Variants in GRHPR observed in about 807,000 individuals in gnomAD.
GRHPR encodes the protein glyoxylate reductase/hydroxypyruvate reductase.
GRHPR carries 35 observed loss-of-function variants against 36.8 expected under a neutral mutation model. The observed-to-expected ratio is 0.95, with a 90% CI of 0.73 to 1.26. The LOEUF is 1.26. Among genes scored for constraint, GRHPR ranks in the 50% most tolerant of loss-of-function variants. The probability of loss-of-function intolerance (pLI) is 0.00; values close to 1 mark genes in which losing one functional copy is unlikely to be tolerated. For missense variants in GRHPR, 380 were observed against 435.0 expected (o/e 0.87, Z 1.12); for synonymous variants, 179 against 181.0 (o/e 0.99, Z 0.09).
rs996976270 is a variant in GRHPR, at chr9:37,429,222, G to A, written c.494-510G>A. 7.0e-5 allele frequency: 18 copies of A among 258,888 alleles called. 1 individual carries two copies. The highest frequency in any genetic ancestry group is 2.5e-4 in the Admixed American group (5 of 19,928). The allele number at this position is 258,888 out of a possible 1,614,324, so 16.0% of individuals were successfully genotyped here. A position where few individuals can be genotyped will look rare whatever the true frequency, so the allele number is the denominator to read the frequency against. Reference sequence around the variant, plus strand: ...GAGGAACCCAACAGCTTTGGGGCACGTTCTGAGCCTGAAAATCCAACTGTA... The same window carrying A: ...GAGGAACCCAACAGCTTTGGGGCACATTCTGAGCCTGAAAATCCAACTGTA... On this transcript the variant is annotated intron_variant, in intron 5 of 8. Transcript: ENST00000318158.
chr9:37,424,868 C>G lies in GRHPR; in HGVS notation c.107C>G (p.Ser36Trp). Reference sequence around the variant, plus strand: ...AGCTGTGAGGTGGAGCAGTGGGACTCGGATGAGCCCATCCCTGCCAAGGAG... The same window carrying G: ...AGCTGTGAGGTGGAGCAGTGGGACTGGGATGAGCCCATCCCTGCCAAGGAG... ...AADCEVEQWD[S>W]DEPIPAKELE... The change falls in exon 2 of 9, where the codon TCG becomes TGG. Residue 36 changes from serine to tryptophan, a missense_variant. Ser to Trp is a radical substitution (Grantham distance 177). Transcript: ENST00000318158. The G allele has an allele frequency of 1.9e-6, 3 of 1,613,330 alleles. No individual in the cohort carries two copies. Among genetic ancestry groups the G allele is most frequent in the Non-Finnish European group, 2.5e-6 (3 of 1,179,778 alleles).
At position 37,432,142 on chromosome 9, in the gene GRHPR, A is replaced by G; in HGVS notation, c.865+4A>G. On this transcript the variant is annotated splice_donor_region_variant and intron_variant, in intron 8 of 8. Transcript: ENST00000318158. ...CTCCTGACCCTGAAGAACTGTGGTAAGAACTGCACTTTCTGATGCAAACTC... is the reference window on the plus strand; with the variant it reads ...CTCCTGACCCTGAAGAACTGTGGTAGGAACTGCACTTTCTGATGCAAACTC... 4 of 1,613,976 alleles carry G rather than the reference A, an allele frequency of 2.5e-6. No homozygotes were observed. The South Asian group carries it at 3.3e-5, about 13-fold the overall frequency.
At chr9:37,429,696 GGACTGGGAACGA>G in intron 5 of GRHPR, 24 bp from the exon 6 acceptor site, 1 of 1,376,040 alleles carries the variant, frequency 7.3e-7, no homozygotes, top group Non-Finnish European at 1.0e-6. Flanking sequence ...ACCCTTTGCG[GGACTGGGAACGA>G]GACATGGACT....
At chr9:37,438,287 A>C (rs1823761937), downstream of GRHPR, 2 of 152,618 alleles carry the variant, frequency 1.3e-5, no homozygotes, top group Admixed American at 1.3e-4. Flanking sequence ...TCAGGTACCC[A>C]AAACCAGTTA....
At chr9:37,434,550 G>T in intron 8 of GRHPR, 1 of 340,938 alleles carries the variant, frequency 2.9e-6, no homozygotes, top group Non-Finnish European at 5.7e-6. Context: ...CTCCCACTGA[G>T]GCCACTGCAA....
intron 7 of GRHPR, chr9:37,430,997 C>T: frequency 4.1e-6 from 2 of 486,764 alleles, no homozygotes; most frequent in African/African-American, 2.0e-5. Context: ...CCTCTGGAGG[C>T]CGCCTCCCAC....
rs756355572 is a variant in GRHPR at position 37,428,468 on chromosome 9, C to G, written c.405-16C>G. 1.3e-6 allele frequency: 2 copies of G among 1,570,398 alleles called. No homozygotes were observed. The highest frequency in any genetic ancestry group is 1.1e-5 in the South Asian group (1 of 90,220). On this transcript the variant is annotated splice_polypyrimidine_tract_variant and intron_variant, in intron 4 of 8. Coordinates refer to ENST00000318158, the MANE Select transcript of GRHPR (RefSeq NM_012203.2). Reference sequence around the variant, plus strand: ...CCAAGGCTGGGCCTCTCACCTGCCCCTCTCTCTCCCCTCAGTGGTGGCTGG... The same window carrying G: ...CCAAGGCTGGGCCTCTCACCTGCCCGTCTCTCTCCCCTCAGTGGTGGCTGG...
chr9:37,439,441 G>C (rs1823811892), downstream of GRHPR: 1 of 152,100 alleles, frequency 6.6e-6, no homozygotes, highest in Non-Finnish European at 1.5e-5. Context: ...TAAAATTTAG[G>C]GTCTGTACTG....
At chr9:37,432,814 A>G (rs1021770537) in intron 8 of GRHPR, 2 of 153,968 alleles carry the variant, frequency 1.3e-5, no homozygotes, top group African/African-American at 4.8e-5. Flanking sequence ...TGACAATGCC[A>G]ATATAACTCG....
In GRHPR at chr9:37,430,503, T is replaced by C. The variant is rs989290775; in HGVS notation, c.599-8T>C. The C allele has an allele frequency of 6.6e-5, 106 of 1,612,780 alleles. No individual in the cohort carries two copies. Among genetic ancestry groups the C allele is most frequent in the Non-Finnish European group, 8.3e-5 (98 of 1,178,876 alleles). Reference sequence around the variant, plus strand: ...CTCAGTGCCTGATGGAGTCCTGCCCTCCCTCAGTGTCTACCCCTGAGCTGG... The same window carrying C: ...CTCAGTGCCTGATGGAGTCCTGCCCCCCCTCAGTGTCTACCCCTGAGCTGG... On this transcript the variant is annotated splice_region_variant and splice_polypyrimidine_tract_variant and intron_variant, in intron 6 of 8. Coordinates refer to ENST00000318158, the MANE Select transcript of GRHPR (RefSeq NM_012203.2).
chr9:37,422,704 G>A lies in GRHPR; in HGVS notation c.-47G>A, dbSNP rs764081167. On this transcript the variant is annotated 5_prime_UTR_variant, in exon 1 of 9. Transcript: ENST00000318158. ...CCCGCCCCGGCCCAGCTACATTCCC[G>A]GGCCAGCTTCTGTACTGCCAGGTCC... 9.1e-6 allele frequency: 13 copies of A among 1,429,970 alleles called. No homozygotes were observed. The highest frequency in any genetic ancestry group is 1.2e-5 in the Non-Finnish European group (12 of 1,036,762). The allele number at this position is 1,429,970 out of a possible 1,614,324, so 88.6% of individuals were successfully genotyped here.
chr9:37,438,964 G>A (rs1226731163), downstream of GRHPR: 1 of 152,196 alleles, frequency 6.6e-6, no homozygotes, highest in Non-Finnish European at 1.5e-5. Flanking sequence ...AGATTAACAG[G>A]AGAGAAAACA....
At position 37,432,119 on chromosome 9, in the gene GRHPR, C is replaced by G. The variant is rs146293016; in HGVS notation, c.846C>G (p.Leu282=). The change falls in exon 8 of 9, where the codon CTC becomes CTG. Residue 282 remains leucine, a synonymous_variant. Coordinates refer to ENST00000318158, the MANE Select transcript of GRHPR (RefSeq NM_012203.2). ...AACCACTGCCTACAAACCACCCTCT[C>G]CTGACCCTGAAGAACTGTGGTAAGA... The part of the protein sequence containing the change: ...SPEPLPTNHP[L]LTLKNCVILP... 59 of 1,613,908 alleles carry G rather than the reference C, an allele frequency of 3.7e-5. No individual in the cohort carries two copies. In the Admixed American group the frequency reaches 9.5e-4, roughly 26 times the overall value.
chr9:37,431,884 GACTT>G (rs1823384279), intron 7 of GRHPR, 120 bp from the exon 8 acceptor site: 3 of 974,458 alleles, frequency 3.1e-6, no homozygotes, highest in African/African-American at 1.6e-5. Context: ...GTATACCTAA[GACTT>G]ACTGCTTTAA....
chr9:37,436,710 GT>G lies in GRHPR; in HGVS notation c.916del (p.Ser306ProfsTer12). On this transcript the variant is annotated frameshift_variant, in exon 9 of 9. Transcript: ENST00000318158. LOFTEE classifies it high-confidence loss of function. The stretch of plus-strand genomic sequence containing the variant: ...CCACCCACAGAACCCGCAACACCAT[GT>G]CCTTGTTGGCAGCTAACAACTTGCT... ...SATHRTRNTMSLLAANNLLAG... is the reference protein window; with the variant it reads ...SATHRTRNTMXLLAANNLLAG... 2 of 1,614,056 alleles carry G rather than the reference GT, an allele frequency of 1.2e-6. No individual in the cohort carries two copies. The highest frequency in any genetic ancestry group is 8.5e-7 in the Non-Finnish European group (1 of 1,179,954).
intron 3 of GRHPR, chr9:37,426,210 ACATT>A (rs1823069109): frequency 1.6e-6 from 1 of 608,726 alleles, no homozygotes; most frequent in African/African-American, 1.8e-5. Flanking sequence ...GCACCCTTTC[ACATT>A]CATTATCTTT....
upstream of GRHPR, chr9:37,422,539 A>C (rs1469899842): frequency 1.4e-5 from 8 of 591,140 alleles, no homozygotes; most frequent in Non-Finnish European, 2.4e-5. Context: ...ACACACAAGG[A>C]CACTGTGTAG....
Position 37,431,071 on chromosome 9 carries a change from G to A in GRHPR, c.734+425G>A, listed in dbSNP as rs182067410. ...TACTTTGAACCTTATGCTCCTGGGC[G>A]GACAGACCCTAAAACTCACGTGGTC... On this transcript the variant is annotated intron_variant, in intron 7 of 8. Transcript: ENST00000318158. 6.6e-5 allele frequency: 31 copies of A among 471,512 alleles called. No homozygotes were observed. The East Asian group carries it at 8.3e-4, about 13-fold the overall frequency. 29.2% of individuals were successfully genotyped at this position (471,512 alleles called of 1,614,324 possible).
upstream of GRHPR, chr9:37,422,545 T>C: frequency 6.6e-6 from 4 of 608,612 alleles, 1 homozygote; most frequent in South Asian, 7.2e-5. Context: ...AAGGACACTG[T>C]GTAGGGTCAC....
Sources: gnomAD v4.1 joint callset for allele counts on GRCh38, gnomAD v4.1.1 for gene constraint, MANE v1.5 for transcripts, NCBI Gene and HGNC (gene_info 2026-07-23, HGNC 2026-07-21) for gene names.